Variants in SNTB1 observed in about 807,000 individuals in gnomAD.
SNTB1 encodes the protein syntrophin beta 1.
In SNTB1, 36 loss-of-function variants were observed where a neutral mutation model predicts 48.9. The observed-to-expected ratio is 0.74, with a 90% CI of 0.56 to 0.97. The LOEUF (loss-of-function observed/expected upper bound fraction) is 0.97, where lower values mean the gene tolerates loss of function less well. Among genes scored for constraint, SNTB1 ranks in the 50% least tolerant of loss-of-function variants. SNTB1 has a pLI of 0.00. For missense variants in SNTB1, 786 were observed against 703.4 expected, an observed-to-expected ratio of 1.12 and a Z score of -1.33; for synonymous variants, 299 against 294.6, an observed-to-expected ratio of 1.01 and a Z score of -0.15.
chr8:120,807,055 A>T (rs1465333640), intron 1 of SNTB1, among the ~76,000 whole-genome samples: 1 of 152,136 alleles, frequency 6.6e-6, no homozygotes, highest in Non-Finnish European at 1.5e-5. Flanking sequence ...ACTGTCCTTG[A>T]CTTTCTTCTT....
intron 2 of SNTB1, among the ~76,000 whole-genome samples, chr8:120,658,167 A>T (rs995734359): frequency 7.2e-5 from 11 of 152,202 alleles, no homozygotes; most frequent in African/African-American, 2.7e-4. Flanking sequence ...AGGCTTCTAT[A>T]TAAATAAAGA....
intron 2 of SNTB1, among the ~76,000 whole-genome samples, chr8:120,663,379 A>G (rs1201578389): frequency 6.6e-6 from 1 of 152,204 alleles, no homozygotes; most frequent in Non-Finnish European, 1.5e-5. Flanking sequence ...ATGAGAGTAC[A>G]TTGCACATGA....
At chr8:120,599,937 T>C (rs2130717541) in intron 3 of SNTB1, among the ~76,000 whole-genome samples, 1 of 152,374 alleles carries the variant, frequency 6.6e-6, no homozygotes, top group Non-Finnish European at 1.5e-5. Context: ...GCATAAGCTA[T>C]ACTTATTACA....
intron 1 of SNTB1, among the ~76,000 whole-genome samples, chr8:120,718,723 A>G (rs1458117634): frequency 6.6e-6 from 1 of 152,028 alleles, no homozygotes; most frequent in East Asian, 1.9e-4. Context: ...GCTGAGTAGG[A>G]GGTACTTTGC....
At position 120,752,466 on chromosome 8, in the gene SNTB1, A is replaced by G. The variant is rs186398199; in HGVS notation, c.572-58558T>C. Among the ~76,000 whole-genome samples the G allele has an allele frequency of 2.6e-4, 40 of 152,294 alleles. No individual in the cohort carries two copies. The East Asian group carries it at 7.5e-3, about 29-fold the overall frequency. On this transcript the variant is annotated intron_variant, in intron 1 of 6. Transcript: ENST00000517992. ...GTATATATCTAAAGGAAAATCAATC[A>G]TTCTAGGAAAAAGACACACTCACAA...
At chr8:120,655,004 T>A in intron 2 of SNTB1, 1 of 455,824 alleles carries the variant, frequency 2.2e-6, no homozygotes, top group South Asian at 1.6e-5. Context: ...TATGGTCGCC[T>A]TCAGTTCCTC....
intron 2 of SNTB1, among the ~76,000 whole-genome samples, chr8:120,657,610 C>T (rs762464213): frequency 4.6e-5 from 7 of 152,186 alleles, no homozygotes; most frequent in Non-Finnish European, 7.3e-5. Context: ...CATTGCCCCA[C>T]TCTTGGATTG....
intron 1 of SNTB1, among the ~76,000 whole-genome samples, chr8:120,792,009 G>C (rs1820043392): frequency 6.6e-6 from 1 of 151,636 alleles, no homozygotes; most frequent in South Asian, 2.1e-4. Context: ...GTTTATTACA[G>C]CATGATTCAC....
intron 3 of SNTB1, among the ~76,000 whole-genome samples, chr8:120,618,824 A>G (rs1816753210): frequency 6.6e-6 from 1 of 152,206 alleles, no homozygotes; most frequent in Non-Finnish European, 1.5e-5. Flanking sequence ...GTAAAAGGGC[A>G]GAGGGTGGAA....
chr8:120,803,571 A>T (rs1484401186), intron 1 of SNTB1, among the ~76,000 whole-genome samples: 1 of 152,188 alleles, frequency 6.6e-6, no homozygotes, highest in African/African-American at 2.4e-5. Context: ...CCTTCACCAA[A>T]CAGACCACTG....
Position 120,811,659 on chromosome 8 carries a change from G to A in SNTB1, c.185C>T (p.Thr62Ile), listed in dbSNP as rs748433092. The A allele has an allele frequency of 1.9e-6, 3 of 1,593,418 alleles. No homozygotes were observed. The highest frequency in any genetic ancestry group is 2.6e-6 in the Non-Finnish European group (3 of 1,173,468). ...CCTGCAGAACGAGCCATTGGTGGCG[G>A]TCCCGATGCCGTTGTACGCCGCAGC... ...EGAAAYNGIG[T>I]ATNGSFCRGA... The change falls in exon 1 of 7, where the codon ACC (threonine) becomes ATC (isoleucine). Residue 62 changes from threonine (T) to isoleucine (I), a missense_variant. Transcript: ENST00000517992.
chr8:120,683,566 A>G, intron 2 of SNTB1, among the ~76,000 whole-genome samples: 1 of 152,108 alleles, frequency 6.6e-6, no homozygotes, highest in Non-Finnish European at 1.5e-5. Flanking sequence ...TGGTGACTGC[A>G]GTGGGTCAGG....
rs74672792 is a variant in SNTB1, at chr8:120,726,867, T to A, written c.572-32959A>T. Among the ~76,000 whole-genome samples, 563 of 152,314 alleles carry A rather than the reference T, an allele frequency of 3.7e-3. 4 individuals are homozygous for A. The highest frequency in any genetic ancestry group is 0.013 in the African/African-American group (538 of 41,568). On this transcript the variant is annotated intron_variant, in intron 1 of 6. Coordinates refer to ENST00000517992, the MANE Select transcript of SNTB1 (RefSeq NM_021021.4). ...AAACTGGAATGCTGACAAGAAAGCA[T>A]CCTGGCATTACTAGCACTAATAGTC...
chr8:120,637,699 T>C (rs746672655), intron 2 of SNTB1: 2 of 428,016 alleles, frequency 4.7e-6, no homozygotes, highest in East Asian at 1.4e-4. Context: ...CATTCATGGC[T>C]GCACTTATGC....
At chr8:120,626,398 T>C (rs1471594309) in intron 3 of SNTB1, among the ~76,000 whole-genome samples, 1 of 152,158 alleles carries the variant, frequency 6.6e-6, no homozygotes, top group Non-Finnish European at 1.5e-5. Context: ...TCTTAATCAG[T>C]TGGAAAAATT....
chr8:120,563,998 C>T (rs1417794552), intron 4 of SNTB1, among the ~76,000 whole-genome samples: 1 of 151,918 alleles, frequency 6.6e-6, no homozygotes, highest in African/African-American at 2.4e-5. Flanking sequence ...ATCTCAGCTA[C>T]TTGGGAGGCT....
intron 1 of SNTB1, among the ~76,000 whole-genome samples, chr8:120,794,919 G>A (rs1365860596): frequency 6.6e-6 from 1 of 151,790 alleles, no homozygotes; most frequent in Non-Finnish European, 1.5e-5. Flanking sequence ...TCTACTTTCT[G>A]GTCAGTCTAT....
At chr8:120,623,207 A>C (rs1563834221) in intron 3 of SNTB1, among the ~76,000 whole-genome samples, 1 of 152,212 alleles carries the variant, frequency 6.6e-6, no homozygotes, top group Non-Finnish European at 1.5e-5. Context: ...CTCTGCTTCT[A>C]AAGAATTTGG....
chr8:120,702,695 T>C lies in SNTB1; in HGVS notation c.572-8787A>G, dbSNP rs572867888. Among the ~76,000 whole-genome samples, 7 of 152,286 alleles carry C rather than the reference T, an allele frequency of 4.6e-5. No individual in the cohort carries two copies. The South Asian group carries it at 1.5e-3, about 32-fold the overall frequency. On this transcript the variant is annotated intron_variant, in intron 1 of 6. Coordinates refer to ENST00000517992, the MANE Select transcript of SNTB1 (RefSeq NM_021021.4). ...GCTTACAAATATTTAAAAGAACCCT[T>C]ATATTTATATGCAATTGTTTGCATA...
Sources: allele counts gnomAD v4.1 joint callset (sites outside exome capture counted in the v4.1 genomes callset), GRCh38; gene constraint gnomAD v4.1.1; transcripts MANE v1.5; gene names NCBI Gene and HGNC (gene_info 2026-07-23, HGNC 2026-07-21).